UBR3: variants seen among roughly 807,000 people sequenced by gnomAD.
The protein encoded by UBR3 is ubiquitin protein ligase E3 component n-recognin 3.
UBR3 carries 85 observed loss-of-function variants against 243.2 expected under a neutral mutation model. The ratio of observed to expected loss-of-function variants is 0.35; its 90% CI spans 0.29 to 0.42. The LOEUF is 0.42. Ranked by LOEUF, UBR3 falls within the 10% of genes least tolerant of loss-of-function variation. The probability of loss-of-function intolerance (pLI) is 1.00; values close to 1 mark genes in which losing one functional copy is unlikely to be tolerated. For missense variants in UBR3, 1,686 were observed against 2,300.8 expected (o/e 0.73, Z 5.47); for synonymous variants, 748 against 799.8 (o/e 0.94, Z 1.09).
intron 31 of UBR3, among the ~76,000 whole-genome samples, chr2:170,038,832 G>T (rs1039231777): frequency 1.3e-5 from 2 of 152,120 alleles, no homozygotes; most frequent in Middle Eastern, 6.8e-3. Flanking sequence ...TGCTTTTAGT[G>T]GCAGAAACAG....
At position 169,872,280 on chromosome 2, in the gene UBR3, G is replaced by A; in HGVS notation, c.590G>A (p.Cys197Tyr). 6.5e-7 allele frequency: 1 copy of A among 1,536,582 alleles called. No homozygotes were observed. The highest frequency in any genetic ancestry group is 8.8e-7 in the Non-Finnish European group (1 of 1,140,038). The change falls in exon 2 of 39, where the codon TGT (cysteine) becomes TAT (tyrosine). Residue 197 changes from cysteine (C) to tyrosine (Y), a missense_variant. By Grantham distance (194) the Cys-to-Tyr change is radical. Transcript: ENST00000272793. ...ATTAAATCAAGTTCAAATATTCCCT[G>A]TGTCCCTAAAGACTTACTGATGATG... ...HQIKSSSNIPCVPKDLLMMSE... is the reference protein window; with the variant it reads ...HQIKSSSNIPYVPKDLLMMSE...
intron 32 of UBR3, among the ~76,000 whole-genome samples, chr2:170,049,663 C>T (rs1029161820): frequency 6.6e-6 from 1 of 152,064 alleles, no homozygotes; most frequent in Non-Finnish European, 1.5e-5. Context: ...GGTCCTTTAC[C>T]TTGTGTTGCC....
intron 1 of UBR3, among the ~76,000 whole-genome samples, chr2:169,852,181 T>C (rs955632863): frequency 5.3e-5 from 8 of 152,226 alleles, no homozygotes; most frequent in African/African-American, 1.9e-4. Flanking sequence ...AGTTGAGGTA[T>C]ACCTTAAGAC....
chr2:169,885,149 T>C (rs1027806045), intron 5 of UBR3, among the ~76,000 whole-genome samples: 3 of 152,182 alleles, frequency 2.0e-5, no homozygotes, highest in East Asian at 3.8e-4. Flanking sequence ...ACCATTACCT[T>C]ATAGGCCCAT....
chr2:170,072,538 A>G (rs948027648), intron 35 of UBR3, among the ~76,000 whole-genome samples: 2 of 152,150 alleles, frequency 1.3e-5, no homozygotes, highest in Non-Finnish European at 2.9e-5. Context: ...TAACCTGCAC[A>G]TTGTGCACAT....
chr2:170,081,666 G>C, intron 38 of UBR3, 60 bp from the exon 39 acceptor site: 1 of 1,285,002 alleles, frequency 7.8e-7, no homozygotes, highest in Non-Finnish European at 1.1e-6. Context: ...AAAGAAGAAA[G>C]AAATGCATGT....
chr2:169,856,437 C>T (rs1389313736), intron 1 of UBR3, among the ~76,000 whole-genome samples: 3 of 152,054 alleles, frequency 2.0e-5, no homozygotes, highest in African/African-American at 7.2e-5. Flanking sequence ...GGGTGGCGGC[C>T]GGGCAGAGGC....
chr2:169,845,275 T>C (rs889910283), intron 1 of UBR3, among the ~76,000 whole-genome samples: 3 of 151,784 alleles, frequency 2.0e-5, no homozygotes, highest in African/African-American at 7.2e-5. Context: ...CTAGAAAAAT[T>C]AGCCAGGCAT....
intron 5 of UBR3, among the ~76,000 whole-genome samples, chr2:169,884,998 G>T (rs1004921122): frequency 6.6e-6 from 1 of 152,124 alleles, no homozygotes; most frequent in African/African-American, 2.4e-5. Context: ...ACTATTTTAT[G>T]CCATTTAAAT....
intron 19 of UBR3, among the ~76,000 whole-genome samples, chr2:169,942,192 A>T (rs1358193288): frequency 6.6e-6 from 1 of 152,140 alleles, no homozygotes; most frequent in East Asian, 1.9e-4. Flanking sequence ...TACAGCTGGA[A>T]ATTTCCTTGC....
intron 1 of UBR3, among the ~76,000 whole-genome samples, chr2:169,841,174 A>C (rs980512524): frequency 2.0e-5 from 3 of 151,978 alleles, no homozygotes; most frequent in Non-Finnish European, 4.4e-5. Flanking sequence ...CCAAATCTTT[A>C]CATTCTATGT....
chr2:169,947,164 T>C (rs770073671), intron 21 of UBR3, among the ~76,000 whole-genome samples: 13 of 152,136 alleles, frequency 8.5e-5, no homozygotes, highest in Admixed American at 1.3e-4. Flanking sequence ...CCTCTATGAT[T>C]AGTGATACCT....
intron 19 of UBR3, among the ~76,000 whole-genome samples, chr2:169,936,026 A>C (rs1463064108): frequency 6.6e-6 from 1 of 152,122 alleles, no homozygotes; most frequent in Non-Finnish European, 1.5e-5. Context: ...TTGTCACTGT[A>C]GTATTATATA....
intron 30 of UBR3, among the ~76,000 whole-genome samples, chr2:170,020,920 C>G (rs922544895): frequency 6.6e-6 from 1 of 152,118 alleles, no homozygotes; most frequent in African/African-American, 2.4e-5. Context: ...AGGAAATCTC[C>G]TAGTCTAAAT....
At chr2:169,939,566 C>G (rs1404679894) in intron 19 of UBR3, among the ~76,000 whole-genome samples, 1 of 149,212 alleles carries the variant, frequency 6.7e-6, no homozygotes, top group Non-Finnish European at 1.5e-5. Flanking sequence ...CGTGCCAGGC[C>G]TTTTTTTTTC....
chr2:169,997,651 C>G (rs1409643112), intron 26 of UBR3, among the ~76,000 whole-genome samples: 2 of 151,996 alleles, frequency 1.3e-5, no homozygotes, highest in Non-Finnish European at 2.9e-5. Flanking sequence ...GTCCCACAAC[C>G]AAGAAGAATG....
At chr2:169,842,106 C>T (rs910647745) in intron 1 of UBR3, among the ~76,000 whole-genome samples, 2 of 151,166 alleles carry the variant, frequency 1.3e-5, no homozygotes, top group African/African-American at 4.8e-5. Flanking sequence ...AATCGACACT[C>T]TGTATCTAGC....
intron 27 of UBR3, among the ~76,000 whole-genome samples, chr2:170,001,938 A>AAAAAAAAAAAAAAAAAAAAG (rs1559175182): frequency 2.3e-5 from 3 of 130,046 alleles, no homozygotes; most frequent in African/African-American, 1.0e-4. Flanking sequence ...AAAAAAAAAA[A>AAAAAAAAAAAAAAAAAAAAG]AAAAGAAAGA....
rs34139528 is a variant in UBR3, at chr2:169,831,127, A to ATT, written c.545+3102_545+3103dup. Among the ~76,000 whole-genome samples, 359 of 56,482 alleles carry ATT rather than the reference A, an allele frequency of 6.4e-3. 59 individuals are homozygous for ATT. Among genetic ancestry groups the ATT allele is most frequent in the Non-Finnish European group, 8.3e-3 (294 of 35,492 alleles). The allele number at this position is 56,482 out of a possible 152,430, so 37.1% of individuals were successfully genotyped here. ...GTACATTATATATATATATATATATATTTTTTTTTTTTTTTTTTTTTTTTT... is the reference window on the plus strand; with the variant it reads ...GTACATTATATATATATATATATATATTTTTTTTTTTTTTTTTTTTTTTTTTT... On this transcript the variant is annotated intron_variant, in intron 1 of 38. Coordinates refer to ENST00000272793, the MANE Select transcript of UBR3 (RefSeq NM_172070.4).
Sources: gnomAD v4.1 joint callset for allele counts (sites outside exome capture counted in the v4.1 genomes callset) on GRCh38, gnomAD v4.1.1 for gene constraint, MANE v1.5 for transcripts, NCBI Gene and HGNC (gene_info 2026-07-23, HGNC 2026-07-21) for gene names.